NDRG2: variants seen among roughly 807,000 people sequenced by gnomAD.
NDRG2 encodes the protein protein NDRG2.
A neutral mutation model predicts 58.2 loss-of-function variants in NDRG2; 34 were observed. The ratio of observed to expected loss-of-function variants is 0.58; its 90% CI spans 0.44 to 0.78. NDRG2 has a LOEUF of 0.78. Ranked by LOEUF, NDRG2 falls within the 30% of genes least tolerant of loss-of-function variation. NDRG2 has a pLI of 0.00. For synonymous variants in NDRG2, 187 were observed against 175.9 expected (o/e 1.06, Z -0.50); for missense variants, 434 against 471.2 (o/e 0.92, Z 0.73).
chr14:21,043,331 A>T (rs916221584), intron 1 of NDRG2: 9 of 1,614,182 alleles, frequency 5.6e-6, no homozygotes, highest in Non-Finnish European at 7.6e-6. Flanking sequence ...AGCTCACCTC[A>T]GGGAAGCATC....
In NDRG2 at chr14:21,070,265, G is replaced by A; in HGVS notation, c.24+563C>T. The A allele has an allele frequency of 8.0e-6, 8 of 1,001,756 alleles. No individual in the cohort carries two copies. The highest frequency in any genetic ancestry group is 4.9e-5 in the South Asian group (1 of 20,476). The allele number at this position is 1,001,756 out of a possible 1,614,324, so 62.1% of individuals were successfully genotyped here. A position where few individuals can be genotyped will look rare whatever the true frequency, so the allele number is the denominator to read the frequency against. The stretch of plus-strand genomic sequence containing the variant: ...GGCCCCGCGGCCTGGAAGCCGGAGC[G>A]GGCCGAGCCGCCACCGCGGCCGGAG... On this transcript the variant is annotated intron_variant, in intron 1 of 14. Coordinates refer to the NDRG2 transcript ENST00000403829. This position sits in a 1 kb window ranked among gnomAD's most constrained non-coding sequence, Gnocchi z 4.7.
At chr14:21,025,112 G>A (rs2139037692), upstream of NDRG2, 1 of 976,164 alleles carries the variant, frequency 1.0e-6, no homozygotes, top group South Asian at 4.8e-5. This position sits in a 1 kb window ranked among gnomAD's most constrained non-coding sequence, Gnocchi z 5.1. Flanking sequence ...ACCCGCCCCC[G>A]GCCCGCCCCA....
At position 21,067,193 on chromosome 14, in the gene NDRG2, G is replaced by A. The variant is rs1886312434; in HGVS notation, c.24+3635C>T. The stretch of plus-strand genomic sequence containing the variant: ...TTTCTTCCACCTTCCCCCGTATTAG[G>A]ATAGCACTAGTTTTCCATAAGAACC... On this transcript the variant is annotated intron_variant, in intron 1 of 14. Transcript: ENST00000403829. Among the ~76,000 whole-genome samples, 2 of 152,148 alleles carry A rather than the reference G, an allele frequency of 1.3e-5. 1 individual carries two copies. The highest frequency in any genetic ancestry group is 4.1e-4 in the South Asian group (2 of 4,830).
chr14:21,020,293 C>CAAAAAA (rs11325826), intron 8 of NDRG2: 65 of 389,696 alleles, frequency 1.7e-4, no homozygotes, highest in South Asian at 5.3e-4. Flanking sequence ...GACACCATCT[C>CAAAAAA]AAAAAAAAAA....
chr14:21,062,637 A>G (rs1886023955), intron 1 of NDRG2, among the ~76,000 whole-genome samples: 1 of 152,014 alleles, frequency 6.6e-6, no homozygotes, highest in Non-Finnish European at 1.5e-5. Flanking sequence ...CTCCTTGGCC[A>G]AACTTGGAGT....
At chr14:21,023,610 AAAATACCAGGGTG>A (rs2138991221) in intron 1 of NDRG2, 2 of 392,638 alleles carry the variant, frequency 5.1e-6, no homozygotes, top group African/African-American at 4.0e-5. Context: ...GCCCTGGACC[AAAATACCAGGGTG>A]GGGCAGAAGT....
Position 21,018,515 on chromosome 14 carries a change from C to T in NDRG2, c.814-11G>A. ...TGAGTTACATTCCACCTGGAGTAAG[C>T]AGGAGGCTGAATGAATGAGGTCACG... On this transcript the variant is annotated splice_polypyrimidine_tract_variant and intron_variant, in intron 12 of 15. Transcript: ENST00000556147. 6.2e-7 allele frequency: 1 copy of T among 1,613,628 alleles called. No individual in the cohort carries two copies. The highest frequency in any genetic ancestry group is 8.5e-7 in the Non-Finnish European group (1 of 1,179,794).
At chr14:21,043,001 G>C (rs567034426) in intron 1 of NDRG2, 31 of 1,612,808 alleles carry the variant, frequency 1.9e-5, no homozygotes, top group African/African-American at 4.0e-5. Context: ...AGATGGCACC[G>C]GCCAGAGCAG....
rs73585979 is a variant in NDRG2, at chr14:21,043,053, G to A, written c.25-19732C>T. 462 of 1,614,196 alleles carry A rather than the reference G, an allele frequency of 2.9e-4. 2 individuals are homozygous for A. The African/African-American group carries it at 5.8e-3, about 20-fold the overall frequency. The stretch of plus-strand genomic sequence containing the variant: ...GCTGCTTCTGCTGCTGGGGCTGTGG[G>A]TGGCAGAGATCCCAGTCAGTGCCAA... On this transcript the variant is annotated intron_variant, in intron 1 of 14. Coordinates refer to the NDRG2 transcript ENST00000403829.
intron 1 of NDRG2, among the ~76,000 whole-genome samples, chr14:21,053,861 C>T (rs1243850092): frequency 6.6e-6 from 1 of 152,144 alleles, no homozygotes; most frequent in Admixed American, 6.5e-5. Context: ...TCAATGAACT[C>T]GGAAGTGCCT....
At chr14:21,069,233 C>T (rs536563943) in intron 1 of NDRG2, among the ~76,000 whole-genome samples, 1 of 152,348 alleles carries the variant, frequency 6.6e-6, no homozygotes, top group East Asian at 1.9e-4. Flanking sequence ...CTTCCTTTCT[C>T]ATTCAGACAC....
At chr14:21,027,322 T>A (rs1391339436), upstream of NDRG2, among the ~76,000 whole-genome samples, 1 of 152,226 alleles carries the variant, frequency 6.6e-6, no homozygotes, top group Non-Finnish European at 1.5e-5. Context: ...TACCTTCAAG[T>A]AAGCAACAGT....
intron 1 of NDRG2, among the ~76,000 whole-genome samples, chr14:21,064,299 CT>C (rs35063072): frequency 0.016 from 2,270 of 145,966 alleles, 41 homozygotes; most frequent in African/African-American, 0.038. Flanking sequence ...CACTTGATGC[CT>C]TTTTTTTTTT....
Position 21,024,516 on chromosome 14 carries a change from G to A in NDRG2, c.-493C>T, listed in dbSNP as rs551435713. ...ATTTTTGACAGCTCTCCAGTAAGAGGAGGGTAGCAGAGCATGGCTGTTTCC... is the reference window on the plus strand; with the variant it reads ...ATTTTTGACAGCTCTCCAGTAAGAGAAGGGTAGCAGAGCATGGCTGTTTCC... On this transcript the variant is annotated 5_prime_UTR_variant, in exon 1 of 16. Transcript: ENST00000556147. 1.0e-6 allele frequency: 1 copy of A among 985,318 alleles called. No individual in the cohort carries two copies. The highest frequency in any genetic ancestry group is 4.7e-5 in the South Asian group (1 of 21,278). The allele number at this position is 985,318 out of a possible 1,614,324, so 61.0% of individuals were successfully genotyped here. A position where few individuals can be genotyped will look rare whatever the true frequency, so the allele number is the denominator to read the frequency against.
At chr14:21,028,029 A>G (rs1005936202), upstream of NDRG2, among the ~76,000 whole-genome samples, 3 of 152,214 alleles carry the variant, frequency 2.0e-5, no homozygotes, top group Non-Finnish European at 2.9e-5. Flanking sequence ...TACAGATGAG[A>G]AAATTGAAAC....
At chr14:21,020,632 C>T in intron 7 of NDRG2, 50 bp from the exon 8 acceptor site, 2 of 1,597,828 alleles carry the variant, frequency 1.3e-6, no homozygotes, top group Non-Finnish European at 1.7e-6. Flanking sequence ...TGGCCTTATC[C>T]CCTCCCCGCT....
upstream of NDRG2, chr14:21,030,549 C>G (rs769369640): frequency 6.2e-7 from 1 of 1,604,998 alleles, no homozygotes; most frequent in Non-Finnish European, 8.5e-7. Context: ...CCAAGTGTCT[C>G]CCACGACTGC....
At chr14:21,045,605 A>G (rs1045952257) in intron 1 of NDRG2, among the ~76,000 whole-genome samples, 1 of 152,128 alleles carries the variant, frequency 6.6e-6, no homozygotes, top group Non-Finnish European at 1.5e-5. Context: ...TATCTTCTTT[A>G]TTGATGATCT....
chr14:21,033,841 C>A, intron 1 of NDRG2: 1 of 1,612,178 alleles, frequency 6.2e-7, no homozygotes, highest in Non-Finnish European at 8.5e-7. Context: ...TAGAGACCAG[C>A]GATACCTATT....
Sources: gnomAD v4.1 joint callset for allele counts (sites outside exome capture counted in the v4.1 genomes callset) on GRCh38, gnomAD v4.1.1 for gene constraint, Gnocchi (gnomAD v3.1) non-coding constraint, MANE v1.5 for transcripts, NCBI Gene and HGNC (gene_info 2026-07-23, HGNC 2026-07-21) for gene names.